The following MARCHF3 variants were observed in gnomAD, a reference collection of about 807,000 sequenced individuals.
MARCHF3 encodes membrane associated ring-CH-type finger 3.
MARCHF3 carries 13 observed loss-of-function variants against 24.2 expected under a neutral mutation model. That is an observed-to-expected ratio of 0.54 (90% CI 0.35 to 0.85). MARCHF3 has a LOEUF of 0.85. Ranked by LOEUF, MARCHF3 falls within the 40% of genes least tolerant of loss-of-function variation. The pLI is 0.01. For synonymous variants in MARCHF3, 144 were observed against 137.3 expected, an observed-to-expected ratio of 1.05 and a Z score of -0.34; for missense variants, 276 against 325.0, an observed-to-expected ratio of 0.85 and a Z score of 1.16.
chr5:127,024,046 G>A (rs1465051685), intron 1 of MARCHF3, among the ~76,000 whole-genome samples: 2 of 152,178 alleles, frequency 1.3e-5, no homozygotes, highest in African/African-American at 4.8e-5. Flanking sequence ...AAGGGGTATG[G>A]GAACAAAAGA....
intron 1 of MARCHF3, among the ~76,000 whole-genome samples, chr5:126,937,510 A>G (rs1749685543): frequency 6.6e-6 from 1 of 152,248 alleles, no homozygotes; most frequent in Admixed American, 6.5e-5. Flanking sequence ...CAAATTGTCC[A>G]GACAGCAATT....
chr5:126,889,329 T>C (rs574576714), intron 3 of MARCHF3, among the ~76,000 whole-genome samples: 53 of 152,066 alleles, frequency 3.5e-4, no homozygotes, highest in African/African-American at 1.2e-3. Context: ...ATAAATAACA[T>C]GAATATGAAC....
At chr5:126,953,920 A>G (rs531739779) in intron 1 of MARCHF3, among the ~76,000 whole-genome samples, 3 of 152,320 alleles carry the variant, frequency 2.0e-5, no homozygotes, top group Admixed American at 6.5e-5. Context: ...ATGGTCTAGG[A>G]GATTTACTTG....
At chr5:126,984,506 G>A (rs927623378) in intron 1 of MARCHF3, among the ~76,000 whole-genome samples, 4 of 152,210 alleles carry the variant, frequency 2.6e-5, no homozygotes, top group African/African-American at 9.7e-5. Flanking sequence ...TCCAACCTAG[G>A]CCTCAAGTTA....
intron 3 of MARCHF3, among the ~76,000 whole-genome samples, chr5:126,906,669 T>A (rs1754309728): frequency 6.6e-6 from 1 of 152,218 alleles, no homozygotes; most frequent in Non-Finnish European, 1.5e-5. Context: ...TGATATCCCC[T>A]TTATCATTTT....
chr5:126,881,244 T>C (rs962624477), intron 3 of MARCHF3, among the ~76,000 whole-genome samples: 1 of 152,166 alleles, frequency 6.6e-6, no homozygotes, highest in African/African-American at 2.4e-5. Flanking sequence ...TTGCTGCTGG[T>C]TGTACTTAGG....
At chr5:127,021,045 A>C (rs1054589475) in intron 1 of MARCHF3, among the ~76,000 whole-genome samples, 1 of 152,090 alleles carries the variant, frequency 6.6e-6, no homozygotes, top group African/African-American at 2.4e-5. Flanking sequence ...GTGAGTAACA[A>C]ATTTCTGCTA....
rs953144301 is a variant in MARCHF3, at chr5:126,899,159, G to T, written c.393+15771C>A. 11 of 985,166 alleles carry T rather than the reference G, an allele frequency of 1.1e-5. No individual in the cohort carries two copies. In the African/African-American group the frequency reaches 1.9e-4, roughly 17 times the overall value. The allele number at this position is 985,166 out of a possible 1,614,324, so 61.0% of individuals were successfully genotyped here. On this transcript the variant is annotated intron_variant, in intron 3 of 4. Coordinates refer to ENST00000308660, the MANE Select transcript of MARCHF3 (RefSeq NM_178450.5). ...ATCTCTTCAAGAAAGGAGGCGGGCA[G>T]TGGTGAGGCACGCCACAGAAACATA...
At chr5:126,919,686 A>G in intron 1 of MARCHF3, among the ~76,000 whole-genome samples, 1 of 152,172 alleles carries the variant, frequency 6.6e-6, no homozygotes, top group Non-Finnish European at 1.5e-5. Flanking sequence ...CCCTCCCGAC[A>G]CGCACATGTC....
At chr5:126,949,523 C>A (rs1345651073) in intron 1 of MARCHF3, among the ~76,000 whole-genome samples, 1 of 152,120 alleles carries the variant, frequency 6.6e-6, no homozygotes, top group East Asian at 1.9e-4. Context: ...GAGCTAGAAC[C>A]CTCGCTGTAA....
intron 1 of MARCHF3, among the ~76,000 whole-genome samples, chr5:127,009,305 A>C (rs73786295): frequency 0.052 from 7,844 of 152,256 alleles, 377 homozygotes; most frequent in South Asian, 0.14. Context: ...GATGTCATTC[A>C]GTATTTATTT....
At chr5:126,877,697 G>A (rs574317066) in intron 4 of MARCHF3, among the ~76,000 whole-genome samples, 2 of 152,222 alleles carry the variant, frequency 1.3e-5, no homozygotes, top group African/African-American at 2.4e-5. Flanking sequence ...GGCAAAGTGC[G>A]GCTCCACGTC....
chr5:126,984,303 T>C (rs1441730335), intron 1 of MARCHF3, among the ~76,000 whole-genome samples: 2 of 152,140 alleles, frequency 1.3e-5, no homozygotes, highest in African/African-American at 2.4e-5. Context: ...CAAACCAGCA[T>C]AAAGGTACTT....
chr5:126,979,849 G>A (rs2126835151), intron 1 of MARCHF3, among the ~76,000 whole-genome samples: 1 of 150,906 alleles, frequency 6.6e-6, no homozygotes, highest in African/African-American at 2.4e-5. Flanking sequence ...TCGGGAGGCT[G>A]AGGCAGGAGA....
intron 2 of MARCHF3, 70 bp from the exon 3 acceptor site, chr5:126,915,204 C>T: frequency 2.7e-6 from 4 of 1,505,426 alleles, no homozygotes; most frequent in Non-Finnish European, 3.6e-6. Flanking sequence ...GGCCCTCTAG[C>T]TCTTGTCCTT....
intron 1 of MARCHF3, among the ~76,000 whole-genome samples, chr5:127,021,476 A>G (rs569906464): frequency 3.5e-4 from 54 of 152,372 alleles, no homozygotes; most frequent in Non-Finnish European, 7.5e-4. Flanking sequence ...GTATTTGAGA[A>G]GCATTACTTG....
intron 1 of MARCHF3, among the ~76,000 whole-genome samples, chr5:126,952,186 G>A (rs1156662855): frequency 1.3e-5 from 2 of 151,986 alleles, no homozygotes; most frequent in African/African-American, 2.4e-5. Context: ...TGTAATCTAG[G>A]CCCACTACCC....
At position 126,868,749 on chromosome 5, in the gene MARCHF3, C is replaced by T. The variant is rs967821893; in HGVS notation, c.*1884G>A. ...TCAGGGACTAAGGCTGGGTGGACGT[C>T]ATTTATTAAGTATATTACAGGGCTG... On this transcript the variant is annotated 3_prime_UTR_variant, in exon 5 of 5. Transcript: ENST00000308660. The T allele has an allele frequency of 6.6e-6, 1 of 152,196 alleles. No homozygotes were observed. Among genetic ancestry groups the T allele is most frequent in the African/African-American group, 2.4e-5 (1 of 41,430 alleles). The allele number at this position is 152,196 out of a possible 1,614,324, so 9.4% of individuals were successfully genotyped here.
chr5:126,872,074 CTTTT>C (rs70997318), intron 4 of MARCHF3, among the ~76,000 whole-genome samples: 2 of 94,512 alleles, frequency 2.1e-5, no homozygotes, highest in South Asian at 8.0e-4. Context: ...AGATCCTTGT[CTTTT>C]TTTTTTTTTT....
Sources: allele counts gnomAD v4.1 joint callset (sites outside exome capture counted in the v4.1 genomes callset), GRCh38; gene constraint gnomAD v4.1.1; transcripts MANE v1.5; gene names NCBI Gene and HGNC (gene_info 2026-07-23, HGNC 2026-07-21).